Variants in HR observed in about 807,000 individuals in gnomAD.
The protein encoded by HR is HR lysine demethylase and nuclear receptor corepressor.
A neutral mutation model predicts 128.6 loss-of-function variants in HR; 83 were observed. The ratio of observed to expected loss-of-function variants is 0.65; its 90% CI spans 0.54 to 0.77. HR has a LOEUF of 0.77. Among genes scored for constraint, HR ranks in the 30% least tolerant of loss-of-function variants. The pLI is 0.00. For missense variants in HR, 1,490 were observed against 1,574.6 expected, an observed-to-expected ratio of 0.95 and a Z score of 0.91; for synonymous variants, 681 against 658.2, an observed-to-expected ratio of 1.03 and a Z score of -0.53.
chr8:22,125,874 G>T (rs1409369879), intron 3 of HR, 142 bp from the exon 4 acceptor site: 2 of 967,512 alleles, frequency 2.1e-6, no homozygotes, highest in African/African-American at 1.6e-5. Context: ...TTCAGAACCA[G>T]CAAGAGTGGA....
At position 22,127,740 on chromosome 8, in the gene HR, A is replaced by C; in HGVS notation, c.702T>G (p.Gly234=). The change falls in exon 3 of 19, where the codon GGT becomes GGG. Residue 234 remains glycine (G), a synonymous_variant. Transcript: ENST00000381418. The stretch of plus-strand genomic sequence containing the variant: ...CCTCCCCGGCTCTCTGCAGGTGCCC[A>C]CCAGAGTTTAAGCCAAACAACCCAG... ...AEPGLFGLNS[G]GHLQRAGEAE... is the part of the protein sequence containing the mutation. 6.2e-7 allele frequency: 1 copy of C among 1,604,218 alleles called. No homozygotes were observed. Among genetic ancestry groups the C allele is most frequent in the Non-Finnish European group, 8.5e-7 (1 of 1,179,982 alleles).
intron 3 of HR, among the ~76,000 whole-genome samples, chr8:22,126,756 C>G (rs1826901705): frequency 2.0e-5 from 3 of 152,234 alleles, no homozygotes; most frequent in Non-Finnish European, 4.4e-5. Context: ...TCAGCAAAGT[C>G]AGGGACGAGG....
At chr8:22,122,422 G>A in intron 8 of HR, 71 bp downstream of exon 8, 1 of 1,090,696 alleles carries the variant, frequency 9.2e-7, no homozygotes, top group Non-Finnish European at 1.4e-6. Flanking sequence ...AGAAAAGGGG[G>A]GGCCAAACCC....
rs370012731 is a variant in HR at position 22,120,879 on chromosome 8, G to A, written c.2447C>T (p.Pro816Leu). 18 of 1,553,660 alleles carry A rather than the reference G, an allele frequency of 1.2e-5. No homozygotes were observed. Among genetic ancestry groups the A allele is most frequent in the East Asian group, 2.4e-5 (1 of 41,194 alleles). ...ERKIQEKALG[P>L]GLRAGPGLRK... is the part of the protein sequence containing the mutation. Reference sequence around the variant, plus strand: ...CAGACCCGGGCCAGCTCGAAGCCCCGGCCCCAGGGCTTTCTCCTGGATCTT... The same window carrying A: ...CAGACCCGGGCCAGCTCGAAGCCCCAGCCCCAGGGCTTTCTCCTGGATCTT... Residue 816 changes from proline to leucine, a missense_variant, in exon 11 of 19, where the codon CCG becomes CTG. Physicochemically the swap from Pro to Leu is moderately conservative, Grantham distance 98. Coordinates refer to ENST00000381418, the MANE Select transcript of HR (RefSeq NM_005144.5).
chr8:22,119,616 C>CAAAAAAAAA, intron 14 of HR, 144 bp downstream of exon 14: 2 of 922,636 alleles, frequency 2.2e-6, no homozygotes, highest in Non-Finnish European at 1.5e-6. Context: ...TCAACAACAA[C>CAAAAAAAAA]AAAAAAAAAA....
Position 22,127,756 on chromosome 8 carries a change from A to G in HR, c.686T>C (p.Phe229Ser). Reference protein sequence around the residue: ...EPLAAAEPGLFGLNSGGHLQR... With the variant: ...EPLAAAEPGLSGLNSGGHLQR... ...CAGGTGCCCACCAGAGTTTAAGCCA[A>G]ACAACCCAGGTTCCGCAGCTGCCAA... is the stretch of plus-strand genomic sequence containing the variant. The change falls in exon 3 of 19, where the codon TTT (phenylalanine) becomes TCT (serine). Residue 229 changes from phenylalanine (F) to serine (S), a missense_variant. This residue lies in a region of HR where 1,060 missense variants were observed against 1,060.9 expected (regional missense o/e 1.00). Transcript: ENST00000381418. The G allele has an allele frequency of 6.2e-7, 1 of 1,602,442 alleles. No homozygotes were observed. The highest frequency in any genetic ancestry group is 1.7e-5 in the Admixed American group (1 of 60,026).
At chr8:22,124,074 C>A (rs1410324617) in intron 5 of HR, among the ~76,000 whole-genome samples, 2 of 152,184 alleles carry the variant, frequency 1.3e-5, no homozygotes, top group African/African-American at 4.8e-5. Flanking sequence ...ACCATTCCTG[C>A]CCCACACCCA....
chr8:22,128,235 A>G (rs1222490991), intron 2 of HR: 1 of 521,444 alleles, frequency 1.9e-6, no homozygotes, highest in Non-Finnish European at 3.5e-6. Context: ...AGTCTCAGAT[A>G]GAGGGCCCTT....
intron 2 of HR, 159 bp downstream of exon 2, chr8:22,128,400 C>A: frequency 9.7e-7 from 1 of 1,028,170 alleles, no homozygotes; most frequent in Non-Finnish European, 1.5e-6. Context: ...GTAGGGCTTG[C>A]TTGGGGTTGA....
intron 9 of HR, 111 bp downstream of exon 9, chr8:22,121,502 T>G (rs1261773977): frequency 1.8e-6 from 2 of 1,099,884 alleles, no homozygotes; most frequent in Admixed American, 1.7e-5. Context: ...TTATTGGGGG[T>G]GGGGGGGAGT....
At position 22,116,074 on chromosome 8, in the gene HR, G is replaced by A. The variant is rs1826578175; in HGVS notation, c.3507+226C>T. On this transcript the variant is annotated intron_variant, in intron 18 of 18. Transcript: ENST00000381418. This position sits in a 1 kb window ranked among gnomAD's most constrained non-coding sequence, Gnocchi z 4.2. ...CACTTGAACCCAGGAGGCGGAGGTTGCAGGGAGCTGAGATAGTGCCACTGC... is the reference window on the plus strand; with the variant it reads ...CACTTGAACCCAGGAGGCGGAGGTTACAGGGAGCTGAGATAGTGCCACTGC... Among the ~76,000 whole-genome samples the A allele has an allele frequency of 6.6e-6, 1 of 152,240 alleles. No homozygotes were observed. Among genetic ancestry groups the A allele is most frequent in the East Asian group, 1.9e-4 (1 of 5,200 alleles).
At chr8:22,129,312 C>T in intron 1 of HR, 102 bp from the exon 2 acceptor site, 1 of 1,007,544 alleles carries the variant, frequency 9.9e-7, no homozygotes. Flanking sequence ...TGAGGCAGCT[C>T]AAACCAGTAA....
intron 3 of HR, among the ~76,000 whole-genome samples, chr8:22,126,680 T>C (rs1433826379): frequency 6.6e-6 from 1 of 152,212 alleles, no homozygotes; most frequent in Non-Finnish European, 1.5e-5. Context: ...TCTTCCCCAT[T>C]TTATAGATGA....
chr8:22,126,942 C>T (rs1188029130), intron 3 of HR, 95 bp downstream of exon 3: 21 of 1,258,432 alleles, frequency 1.7e-5, no homozygotes, highest in Non-Finnish European at 2.3e-5. Context: ...TGGTTGTGGT[C>T]CACTCATAAA....
In HR at chr8:22,116,631, C is replaced by T. The variant is rs562445518; in HGVS notation, c.3379-203G>A. 2.0e-5 allele frequency among the ~76,000 whole-genome samples: 3 copies of T among 152,212 alleles called. No homozygotes were observed. The highest frequency in any genetic ancestry group is 4.2e-4 in the South Asian group (2 of 4,814). ...AACTGCTGGAGAGACCCTAAAGTCT[C>T]CCTGCGAGCCCCCTGACATCAGCAT... On this transcript the variant is annotated intron_variant, in intron 17 of 18. Coordinates refer to ENST00000381418, the MANE Select transcript of HR (RefSeq NM_005144.5). The surrounding 1 kb of genome is among the most constrained non-coding windows in gnomAD (Gnocchi z 4.2).
chr8:22,118,603 AATGGGAAAGGAGCAGTGC>A (rs1429984616), intron 16 of HR: 20 of 340,244 alleles, frequency 5.9e-5, no homozygotes, highest in African/African-American at 4.0e-4. Context: ...CTCATCTGCC[AATGGGAAAGGAGCAGTGC>A]CTGCCTCATG....
At position 22,116,421 on chromosome 8, in the gene HR, C is replaced by T. The variant is rs1826588536; in HGVS notation, c.3386G>A (p.Gly1129Asp). The T allele has an allele frequency of 2.5e-6, 4 of 1,613,572 alleles. No homozygotes were observed. The highest frequency in any genetic ancestry group is 3.4e-6 in the Non-Finnish European group (4 of 1,179,874). The change falls in exon 18 of 19, where the codon GGC becomes GAC. Residue 1129 changes from glycine to aspartate, a missense_variant. Physicochemically the swap from Gly to Asp is moderately conservative, Grantham distance 94 (BLOSUM62 -1). Around this residue, in one of 3 missense-constraint regions of HR, gnomAD observed 423 missense variants for 495.9 expected, o/e 0.85. Coordinates refer to ENST00000381418, the MANE Select transcript of HR (RefSeq NM_005144.5). This position sits in a 1 kb window ranked among gnomAD's most constrained non-coding sequence, Gnocchi z 4.2. ...AGTGACGCTGACTGTGCTCACCAGG[C>T]CCTGCACCTGTGTCGGGGGGACATG... The part of the protein sequence containing the change: ...VPAGAPHQVQ[G>D]LVSTVSVTQH...
rs543527133 is a variant in HR, at chr8:22,121,283, C to G, written c.2204-55G>C. ...CGCGTTTGGTCCCTCCTCTTCCCCT[C>G]GAGGCCCTCTTGCCCATGCTGCTCT... On this transcript the variant is annotated intron_variant, in intron 9 of 18. Transcript: ENST00000381418. The G allele has an allele frequency of 6.5e-5, 103 of 1,592,424 alleles. No homozygotes were observed. The African/African-American group carries it at 1.1e-3, about 17-fold the overall frequency.
At position 22,128,828 on chromosome 8, in the gene HR, A is replaced by C. The variant is rs1826971570; in HGVS notation, c.343T>G (p.Cys115Gly). 8.7e-6 allele frequency: 14 copies of C among 1,613,338 alleles called. No homozygotes were observed. The highest frequency in any genetic ancestry group is 1.2e-5 in the Non-Finnish European group (14 of 1,179,978). ...ATCAGGGGGCCACAGCGAGGTGGGCACGCTGGCCCGCAGAATGCCAGCGGA... is the reference window on the plus strand; with the variant it reads ...ATCAGGGGGCCACAGCGAGGTGGGCCCGCTGGCCCGCAGAATGCCAGCGGA... ...THPLAFCGPA[C>G]PPRCGPLMPE... Residue 115 changes from cysteine (C) to glycine (G), a missense_variant, in exon 2 of 19, where the codon TGC (cysteine) becomes GGC (glycine). By Grantham distance (159) the Cys-to-Gly change is radical (BLOSUM62 -3). Coordinates refer to ENST00000381418, the MANE Select transcript of HR (RefSeq NM_005144.5).
Sources: gnomAD v4.1 joint callset for allele counts (sites outside exome capture counted in the v4.1 genomes callset) on GRCh38, gnomAD v4.1.1 for gene constraint, gnomAD v4.1.1 regional missense constraint, Gnocchi (gnomAD v3.1) non-coding constraint, MANE v1.5 for transcripts, NCBI Gene and HGNC (gene_info 2026-07-23, HGNC 2026-07-21) for gene names.